The following PTK2B variants were observed in gnomAD, a reference collection of about 807,000 sequenced individuals.
PTK2B encodes the protein protein tyrosine kinase 2 beta.
PTK2B carries 71 observed loss-of-function variants against 142.9 expected under a neutral mutation model. That is an observed-to-expected ratio of 0.50 (90% CI 0.41 to 0.61). The LOEUF (loss-of-function observed/expected upper bound fraction) is 0.61. Among genes scored for constraint, PTK2B ranks in the 20% least tolerant of loss-of-function variants. The pLI is 0.00. For synonymous variants in PTK2B, 519 were observed against 503.4 expected (o/e 1.03, Z -0.42); for missense variants, 1,105 against 1,320.4 (o/e 0.84, Z 2.53).
intron 3 of PTK2B, among the ~76,000 whole-genome samples, chr8:27,319,103 T>TA (rs1195116663): frequency 6.6e-6 from 1 of 152,236 alleles, no homozygotes; most frequent in African/African-American, 2.4e-5. Context: ...AGCCCTTTTT[T>TA]ATCCTCTGTG....
At chr8:27,371,869 G>C (rs943500265) in intron 1 of PTK2B, among the ~76,000 whole-genome samples, 1 of 152,142 alleles carries the variant, frequency 6.6e-6, no homozygotes, top group Non-Finnish European at 1.5e-5. Flanking sequence ...TTTTAAAGAA[G>C]AGTTCACTTC....
At chr8:27,382,950 C>T (rs1807117972) in intron 1 of PTK2B, among the ~76,000 whole-genome samples, 1 of 152,110 alleles carries the variant, frequency 6.6e-6, no homozygotes, top group African/African-American at 2.4e-5. Context: ...ATTTTGGTTA[C>T]TTTAGCTTTG....
chr8:27,357,976 C>T (rs1268627340), intron 1 of PTK2B, among the ~76,000 whole-genome samples: 1 of 152,188 alleles, frequency 6.6e-6, no homozygotes, highest in Non-Finnish European at 1.5e-5. Flanking sequence ...TCGGTTTCTA[C>T]TCTGTAAATT....
intron 1 of PTK2B, among the ~76,000 whole-genome samples, chr8:27,329,131 T>A (rs1365849097): frequency 6.6e-6 from 1 of 151,968 alleles, no homozygotes; most frequent in Non-Finnish European, 1.5e-5. Context: ...AGAGACGGGG[T>A]TTCGCCATGT....
At chr8:27,389,845 C>G (rs1807601762) in intron 1 of PTK2B, among the ~76,000 whole-genome samples, 1 of 152,110 alleles carries the variant, frequency 6.6e-6, no homozygotes, top group Non-Finnish European at 1.5e-5. Context: ...TGAGAGGGCT[C>G]TGGTTGGGGA....
chr8:27,449,182 T>C (rs1334134501), intron 24 of PTK2B, among the ~76,000 whole-genome samples: 1 of 152,250 alleles, frequency 6.6e-6, no homozygotes, highest in African/African-American at 2.4e-5. Context: ...TAGTATTTAC[T>C]TAACCCCACG....
At chr8:27,332,118 C>A (rs1803789131) in intron 1 of PTK2B, among the ~76,000 whole-genome samples, 1 of 152,210 alleles carries the variant, frequency 6.6e-6, no homozygotes, top group Non-Finnish European at 1.5e-5. Context: ...AGTTTGAATC[C>A]CAGCCCCTAG....
At chr8:27,456,971 T>C (rs962719064) in intron 30 of PTK2B, among the ~76,000 whole-genome samples, 4 of 152,152 alleles carry the variant, frequency 2.6e-5, no homozygotes, top group African/African-American at 9.7e-5. Flanking sequence ...TTCATGAGGC[T>C]CAAGGAAAGA....
intron 1 of PTK2B, among the ~76,000 whole-genome samples, chr8:27,374,017 G>A (rs1335847683): frequency 6.6e-6 from 1 of 151,996 alleles, no homozygotes; most frequent in African/African-American, 2.4e-5. Flanking sequence ...AGTCCAAGCA[G>A]AGACCAAAGC....
chr8:27,439,498 C>A, intron 20 of PTK2B, 100 bp downstream of exon 20: 1 of 1,279,588 alleles, frequency 7.8e-7, no homozygotes, highest in Non-Finnish European at 1.1e-6. Flanking sequence ...GACCTCCACC[C>A]TCCGTTCCCA....
chr8:27,420,841 C>A (rs139824458), intron 4 of PTK2B, 97 bp downstream of exon 4: 37 of 1,180,498 alleles, frequency 3.1e-5, no homozygotes, highest in South Asian at 9.1e-5. Flanking sequence ...AGACAAAGCC[C>A]AGATTATGGA....
At chr8:27,380,856 C>T (rs1806971275) in intron 1 of PTK2B, 2 of 152,200 alleles carry the variant, frequency 1.3e-5, no homozygotes, top group African/African-American at 4.8e-5. Flanking sequence ...TCTTCAGCCT[C>T]ACCGGGTGGG....
At chr8:27,325,953 CAG>C (rs1234883808) in intron 1 of PTK2B, among the ~76,000 whole-genome samples, 4 of 152,096 alleles carry the variant, frequency 2.6e-5, no homozygotes, top group East Asian at 1.9e-4. Context: ...CATATTCAGA[CAG>C]GGGAGGCTGG....
intron 26 of PTK2B, 146 bp downstream of exon 26, chr8:27,451,224 C>T: frequency 9.2e-7 from 1 of 1,090,752 alleles, no homozygotes; most frequent in Non-Finnish European, 1.3e-6. Flanking sequence ...GTGTCTTTTC[C>T]TTTTCTGCCA....
chr8:27,359,847 G>A (rs1184685426), intron 1 of PTK2B, among the ~76,000 whole-genome samples: 1 of 152,026 alleles, frequency 6.6e-6, no homozygotes, highest in Non-Finnish European at 1.5e-5. Flanking sequence ...TAGTCAGGAT[G>A]GTATTTGTTG....
intron 1 of PTK2B, among the ~76,000 whole-genome samples, chr8:27,378,645 G>C (rs867806399): frequency 7.9e-6 from 1 of 126,752 alleles, no homozygotes; most frequent in Non-Finnish European, 1.7e-5. Context: ...GTGTGTGTGT[G>C]TGTGTACACA....
intron 1 of PTK2B, among the ~76,000 whole-genome samples, chr8:27,375,571 C>CA (rs1049141670): frequency 2.4e-4 from 36 of 152,316 alleles, no homozygotes; most frequent in African/African-American, 8.2e-4. Flanking sequence ...TAGAATCCAC[C>CA]AGACCCTTCC....
At chr8:27,321,745 T>G (rs1176363860), upstream of PTK2B, among the ~76,000 whole-genome samples, 1 of 152,178 alleles carries the variant, frequency 6.6e-6, no homozygotes, top group Non-Finnish European at 1.5e-5. Flanking sequence ...GACTGGGAAA[T>G]GTAGCCTTCA....
chr8:27,379,690 T>TGC (rs1806895820), intron 1 of PTK2B, among the ~76,000 whole-genome samples: 1 of 151,998 alleles, frequency 6.6e-6, no homozygotes, highest in Non-Finnish European at 1.5e-5. Context: ...TTTTAGCACA[T>TGC]GCAAGTTAAT....
Sources: gnomAD v4.1 joint callset for allele counts (sites outside exome capture counted in the v4.1 genomes callset) on GRCh38, gnomAD v4.1.1 for gene constraint, MANE v1.5 for transcripts, NCBI Gene and HGNC (gene_info 2026-07-23, HGNC 2026-07-21) for gene names.